Variants in MXD4 observed in about 807,000 individuals in gnomAD.
MXD4 encodes MAX dimerization protein 4.
A neutral mutation model predicts 24.5 loss-of-function variants in MXD4; 16 were observed. That is an observed-to-expected ratio of 0.65 (90% confidence interval 0.44 to 0.99). The LOEUF (loss-of-function observed/expected upper bound fraction) is 0.99. Among genes scored for constraint, MXD4 ranks in the 50% least tolerant of loss-of-function variants. The pLI, the probability that MXD4 is intolerant of heterozygous loss-of-function variation, is 0.00. For missense variants in MXD4, 301 were observed against 301.5 expected (o/e 1.00, Z 0.01); for synonymous variants, 164 against 134.2 (o/e 1.22, Z -1.54).
intron 4 of MXD4, among the ~76,000 whole-genome samples, chr4:2,251,887 A>C (rs1735331067): frequency 6.6e-6 from 1 of 152,186 alleles, no homozygotes; most frequent in African/African-American, 2.4e-5. Flanking sequence ...AAGGCCCCCA[A>C]ACCAACAGGG....
chr4:2,262,027 C>A lies in MXD4; in HGVS notation c.-47G>T. On this transcript the variant is annotated 5_prime_UTR_variant, in exon 1 of 6. Transcript: ENST00000337190. The stretch of plus-strand genomic sequence containing the variant: ...CCCCGGGACGGCGGCGGCCGCTGCC[C>A]GGCCCGCTCCGGCCGGCTCCGCTCG... 1 of 1,031,886 alleles carries A rather than the reference C, an allele frequency of 9.7e-7. No individual in the cohort carries two copies. Among genetic ancestry groups the A allele is most frequent in the South Asian group, 4.0e-5 (1 of 25,288 alleles). The allele number at this position is 1,031,886 out of a possible 1,614,324, so 63.9% of individuals were successfully genotyped here.
At chr4:2,260,289 G>A (rs1735513187) in intron 2 of MXD4, among the ~76,000 whole-genome samples, 1 of 152,246 alleles carries the variant, frequency 6.6e-6, no homozygotes, top group South Asian at 2.1e-4. Context: ...AGAGATGGGT[G>A]AGTGGCAGGC....
chr4:2,261,954 C>T lies in MXD4; in HGVS notation c.27G>A (p.Leu9=). 4 of 1,444,948 alleles carry T rather than the reference C, an allele frequency of 2.8e-6. No individual in the cohort carries two copies. Among genetic ancestry groups the T allele is most frequent in the South Asian group, 2.6e-5 (2 of 76,234 alleles). 89.5% of individuals were successfully genotyped at this position (1,444,948 alleles called of 1,614,324 possible). MELNSLLI[L]LEAAEYLERR... ...GCTCCAGGTACTCGGCCGCCTCCAG[C>T]AGGATCAGCAGGGAGTTCAGCTCCA... Residue 9 remains leucine, a synonymous_variant, in exon 1 of 6, where the codon CTG becomes CTA. Transcript: ENST00000337190.
chr4:2,252,474 G>A lies in MXD4; in HGVS notation c.243C>T (p.Pro81=). 1 of 1,612,370 alleles carries A rather than the reference G, an allele frequency of 6.2e-7. No homozygotes were observed. Among genetic ancestry groups the A allele is most frequent in the Non-Finnish European group, 8.5e-7 (1 of 1,179,936 alleles). The change falls in exon 4 of 6, where the codon CCC becomes CCT. Residue 81 remains proline (P), a synonymous_variant. Coordinates refer to ENST00000337190, the MANE Select transcript of MXD4 (RefSeq NM_006454.3). The part of the protein sequence containing the change: ...LYLEQLKQLV[P]LGPDSTRHTT... ...TGTGGCGGGTGCTGTCGGGGCCCAG[G>A]GGCACCAGTTGCTTGAGCTGCTCAA...
At chr4:2,251,665 C>A (rs1008313697) in intron 4 of MXD4, among the ~76,000 whole-genome samples, 4 of 152,242 alleles carry the variant, frequency 2.6e-5, no homozygotes, top group African/African-American at 4.8e-5. Context: ...GTGGCCTATG[C>A]CATGCCTGTC....
intron 2 of MXD4, chr4:2,258,951 T>C (rs946893151): frequency 2.2e-6 from 1 of 456,062 alleles, no homozygotes; most frequent in Non-Finnish European, 4.4e-6. Context: ...AGCATCTGCC[T>C]GGAGGATAAC....
In MXD4 at chr4:2,259,069, G is replaced by A. The variant is rs1344125524; in HGVS notation, c.165-1058C>T. The A allele has an allele frequency of 7.0e-6, 3 of 426,478 alleles. No individual in the cohort carries two copies. The Admixed American group carries it at 7.3e-5, about 10-fold the overall frequency. The allele number at this position is 426,478 out of a possible 1,614,324, so 26.4% of individuals were successfully genotyped here. On this transcript the variant is annotated intron_variant, in intron 2 of 5. Transcript: ENST00000337190. ...CTCCCAGGATGCCGCTGCACAGGTGGGCAGAGAGCTCAGACTGCCTCGGGG... is the reference window on the plus strand; with the variant it reads ...CTCCCAGGATGCCGCTGCACAGGTGAGCAGAGAGCTCAGACTGCCTCGGGG...
intron 2 of MXD4, chr4:2,260,598 C>G (rs754667033): frequency 2.2e-6 from 1 of 455,478 alleles, no homozygotes; most frequent in South Asian, 1.6e-5. Context: ...CCTCGTCACA[C>G]TCCTGTCCTT....
At chr4:2,258,946 C>T (rs1460249471) in intron 2 of MXD4, 2 of 456,124 alleles carry the variant, frequency 4.4e-6, no homozygotes, top group Admixed American at 2.3e-5. Context: ...GCCACAGCAT[C>T]TGCCTGGAGG....
chr4:2,259,113 T>C (rs915489976), intron 2 of MXD4: 10 of 366,872 alleles, frequency 2.7e-5, no homozygotes, highest in Non-Finnish European at 5.0e-5. Flanking sequence ...GACCCAGCCC[T>C]GAGGCCTCTC....
intron 3 of MXD4, 83 bp from the exon 4 acceptor site, chr4:2,252,605 C>T (rs1735347515): frequency 2.4e-6 from 2 of 848,118 alleles, no homozygotes; most frequent in South Asian, 3.2e-5. Flanking sequence ...AGACCCACCC[C>T]CACCATCCAC....
intron 2 of MXD4, chr4:2,260,427 GGGCAGC>G (rs1735515973): frequency 2.6e-5 from 10 of 391,034 alleles, no homozygotes; most frequent in Non-Finnish European, 4.7e-5. Context: ...GGCAGTGTTC[GGGCAGC>G]CTTGGCCAGG....
Position 2,250,499 on chromosome 4 carries a change from C to A in MXD4, c.*45G>T. 6.6e-7 allele frequency: 1 copy of A among 1,508,436 alleles called. No individual in the cohort carries two copies. The highest frequency in any genetic ancestry group is 8.9e-7 in the Non-Finnish European group (1 of 1,127,298). The allele number at this position is 1,508,436 out of a possible 1,614,324, so 93.4% of individuals were successfully genotyped here. A position where few individuals can be genotyped will look rare whatever the true frequency, so the allele number is the denominator to read the frequency against. On this transcript the variant is annotated 3_prime_UTR_variant, in exon 6 of 6. Transcript: ENST00000337190. ...CTGAAGGAGAACTGGAGGGCTGACA[C>A]GCGTGGCTGGCGGGCAGGCAGGCCA...
chr4:2,259,016 C>T (rs779428099), intron 2 of MXD4: 11 of 453,264 alleles, frequency 2.4e-5, no homozygotes, highest in South Asian at 1.7e-4. Flanking sequence ...CCAGGCAGGA[C>T]CCCACAGGCC....
At chr4:2,252,652 C>T in intron 3 of MXD4, 130 bp from the exon 4 acceptor site, 1 of 639,526 alleles carries the variant, frequency 1.6e-6, no homozygotes. Context: ...TCTAAGGATC[C>T]CCTCCTGGCC....
intron 3 of MXD4, among the ~76,000 whole-genome samples, chr4:2,257,301 G>C (rs966505552): frequency 5.3e-5 from 8 of 152,214 alleles, no homozygotes; most frequent in East Asian, 3.9e-4. Context: ...AGTCAGGAGA[G>C]AGCGAAGGAC....
chr4:2,250,509 G>GT lies in MXD4; in HGVS notation c.*34_*35insA, dbSNP rs772967715. The GT allele has an allele frequency of 4.6e-6, 7 of 1,521,876 alleles. No individual in the cohort carries two copies. In the African/African-American group the frequency reaches 8.3e-5, roughly 18 times the overall value. 94.3% of individuals were successfully genotyped at this position (1,521,876 alleles called of 1,614,324 possible). ...ACTGGAGGGCTGACACGCGTGGCTG[G>GT]CGGGCAGGCAGGCCAAGGAGCAGAG... On this transcript the variant is annotated 3_prime_UTR_variant, in exon 6 of 6. Coordinates refer to ENST00000337190, the MANE Select transcript of MXD4 (RefSeq NM_006454.3).
chr4:2,251,277 C>T lies in MXD4; in HGVS notation c.310-31G>A, dbSNP rs2233041. On this transcript the variant is annotated intron_variant, in intron 4 of 5. Coordinates refer to ENST00000337190, the MANE Select transcript of MXD4 (RefSeq NM_006454.3). ...GTCGAGGGGGGCTGTGAGCTCACAG[C>T]GGGAAGAGGAGTCCCCCCATCCCCC... 6.5e-5 allele frequency: 101 copies of T among 1,547,068 alleles called. 1 individual carries two copies. Among genetic ancestry groups the T allele is most frequent in the East Asian group, 5.1e-4 (22 of 43,222 alleles).
intron 4 of MXD4, 134 bp downstream of exon 4, chr4:2,252,274 C>A: frequency 2.8e-6 from 2 of 706,790 alleles, no homozygotes; most frequent in Non-Finnish European, 4.8e-6. Flanking sequence ...CACACACCCG[C>A]CAGATGGCTC....
Sources: allele counts gnomAD v4.1 joint callset (sites outside exome capture counted in the v4.1 genomes callset), GRCh38; gene constraint gnomAD v4.1.1; transcripts MANE v1.5; gene names NCBI Gene and HGNC (gene_info 2026-07-23, HGNC 2026-07-21).